Variants in KIRREL3 observed in about 807,000 individuals in gnomAD.
KIRREL3 encodes kirre like nephrin family adhesion molecule 3.
Under a neutral mutation model 89.7 loss-of-function variants are expected in KIRREL3, and 36 were observed. The observed-to-expected ratio is 0.40, with a 90% CI of 0.31 to 0.53. KIRREL3 has a LOEUF of 0.53. Ranked by LOEUF, KIRREL3 falls within the 20% of genes least tolerant of loss-of-function variation. The pLI, the probability that KIRREL3 is intolerant of heterozygous loss-of-function variation, is 0.49. For synonymous variants in KIRREL3, 445 were observed against 441.4 expected (o/e 1.01, Z -0.10); for missense variants, 864 against 1,056.6 (o/e 0.82, Z 2.53).
chr11:126,877,282 C>T lies in KIRREL3; in HGVS notation c.55+123173G>A, dbSNP rs1945328099. ...GCTGCATTACATCTGGAACTGGGCT[C>T]AGATAGCAAAAGAGCGTTCTATATA... On this transcript the variant is annotated intron_variant, in intron 1 of 16. Coordinates refer to ENST00000525144, the MANE Select transcript of KIRREL3 (RefSeq NM_032531.4). The surrounding 1 kb of genome is among the most constrained non-coding windows in gnomAD (Gnocchi z 4.9). 6.6e-6 allele frequency among the ~76,000 whole-genome samples: 1 copy of T among 152,186 alleles called. No homozygotes were observed. Among genetic ancestry groups the T allele is most frequent in the South Asian group, 2.1e-4 (1 of 4,834 alleles).
intron 1 of KIRREL3, among the ~76,000 whole-genome samples, chr11:126,785,208 GTTT>G (rs1007019210): frequency 2.6e-5 from 4 of 152,160 alleles, no homozygotes; most frequent in Non-Finnish European, 5.9e-5. Context: ...TCAGAGAGTT[GTTT>G]TTTGTCATTT....
chr11:126,465,819 C>T (rs981185769), intron 5 of KIRREL3, among the ~76,000 whole-genome samples: 12 of 152,152 alleles, frequency 7.9e-5, no homozygotes, highest in Admixed American at 3.3e-4. Flanking sequence ...CAGCTGGCAC[C>T]GCTTTACCAC....
chr11:126,561,578 G>C lies in KIRREL3; in HGVS notation c.133+1257C>G, dbSNP rs1366348473. Among the ~76,000 whole-genome samples the C allele has an allele frequency of 6.6e-6, 1 of 152,162 alleles. No individual in the cohort carries two copies. The highest frequency in any genetic ancestry group is 1.5e-5 in the Non-Finnish European group (1 of 68,034). On this transcript the variant is annotated intron_variant, in intron 2 of 16. Coordinates refer to ENST00000525144, the MANE Select transcript of KIRREL3 (RefSeq NM_032531.4). This position sits in a 1 kb window ranked among gnomAD's most constrained non-coding sequence, Gnocchi z 4.5. The stretch of plus-strand genomic sequence containing the variant: ...TGTTGGGGAGGGAAGGGGAGGCTGA[G>C]AAAGAGAAAAGTCAGTAAAGGCAAC...
intron 1 of KIRREL3, among the ~76,000 whole-genome samples, chr11:126,923,180 TC>T (rs1947462096): frequency 1.7e-4 from 5 of 29,594 alleles, no homozygotes; most frequent in South Asian, 1.5e-3. Context: ...CTTCTTCTCT[TC>T]TTCTTCTCTT....
rs1949227878 is a variant in KIRREL3 at position 126,748,496 on chromosome 11, C to A, written c.56-185584G>T. 6.6e-6 allele frequency among the ~76,000 whole-genome samples: 1 copy of A among 152,228 alleles called. No individual in the cohort carries two copies. The highest frequency in any genetic ancestry group is 2.1e-4 in the South Asian group (1 of 4,830). On this transcript the variant is annotated intron_variant, in intron 1 of 16. Coordinates refer to ENST00000525144, the MANE Select transcript of KIRREL3 (RefSeq NM_032531.4). The surrounding 1 kb of genome is among the most constrained non-coding windows in gnomAD (Gnocchi z 4.6). The stretch of plus-strand genomic sequence containing the variant: ...TCCCAGCAGGCGTTTCAGGCCATCT[C>A]TAAACAGGCTCTGTGGAGGCGAGGC...
At chr11:126,548,248 C>G (rs1287632864) in intron 2 of KIRREL3, among the ~76,000 whole-genome samples, 2 of 152,212 alleles carry the variant, frequency 1.3e-5, no homozygotes, top group Non-Finnish European at 2.9e-5. Flanking sequence ...CAGGCTGCTG[C>G]TGACTCTCTC....
chr11:126,469,986 C>T (rs950812887), intron 5 of KIRREL3, among the ~76,000 whole-genome samples: 6 of 152,236 alleles, frequency 3.9e-5, no homozygotes, highest in Non-Finnish European at 8.8e-5. Flanking sequence ...CCCAGGCCTG[C>T]GACTGCCTGG....
chr11:126,786,624 CT>C (rs1215039349), intron 1 of KIRREL3, among the ~76,000 whole-genome samples: 1 of 152,190 alleles, frequency 6.6e-6, no homozygotes, highest in African/African-American at 2.4e-5. Context: ...GTCTGGGAAA[CT>C]TTTTCTTATC....
chr11:126,437,584 ATG>A (rs989310578), intron 11 of KIRREL3, among the ~76,000 whole-genome samples: 3 of 83,700 alleles, frequency 3.6e-5, no homozygotes, highest in Non-Finnish European at 9.3e-5. Flanking sequence ...ATATGTGCAC[ATG>A]TCACAACATG....
rs1381473155 is a variant in KIRREL3, at chr11:126,978,347, G to C, written c.55+22108C>G. Among the ~76,000 whole-genome samples the C allele has an allele frequency of 6.6e-6, 1 of 152,006 alleles. No homozygotes were observed. Among genetic ancestry groups the C allele is most frequent in the Admixed American group, 6.6e-5 (1 of 15,258 alleles). On this transcript the variant is annotated intron_variant, in intron 1 of 16. Transcript: ENST00000525144. This position sits in a 1 kb window ranked among gnomAD's most constrained non-coding sequence, Gnocchi z 4.2. Reference sequence around the variant, plus strand: ...CTTCCCTTCAAACTTTAGCCAATTAGGTTTCCTCCATTCTTATGTGTGGAA... The same window carrying C: ...CTTCCCTTCAAACTTTAGCCAATTACGTTTCCTCCATTCTTATGTGTGGAA...
In KIRREL3 at chr11:126,814,567, A is replaced by G. The variant is rs1592165229; in HGVS notation, c.55+185888T>C. 6.6e-6 allele frequency among the ~76,000 whole-genome samples: 1 copy of G among 152,238 alleles called. No individual in the cohort carries two copies. The highest frequency in any genetic ancestry group is 2.4e-5 in the African/African-American group (1 of 41,454). On this transcript the variant is annotated intron_variant, in intron 1 of 16. Coordinates refer to ENST00000525144, the MANE Select transcript of KIRREL3 (RefSeq NM_032531.4). The surrounding 1 kb of genome is among the most constrained non-coding windows in gnomAD (Gnocchi z 4.4). ...GATAAAGAAAATGTGATACATATACACCATGGAATACTATGCAGCCATAAA... is the reference window on the plus strand; with the variant it reads ...GATAAAGAAAATGTGATACATATACGCCATGGAATACTATGCAGCCATAAA...
chr11:126,668,631 T>G lies in KIRREL3; in HGVS notation c.56-105719A>C, dbSNP rs902017048. 2.6e-5 allele frequency among the ~76,000 whole-genome samples: 4 copies of G among 152,194 alleles called. No homozygotes were observed. The highest frequency in any genetic ancestry group is 9.7e-5 in the African/African-American group (4 of 41,440). ...TGACAGAGAGGCCCCCCTTCTCGGT[T>G]TTCTCAGATAGCATGCCATTTGCTG... is the stretch of plus-strand genomic sequence containing the variant. On this transcript the variant is annotated intron_variant, in intron 1 of 16. Coordinates refer to ENST00000525144, the MANE Select transcript of KIRREL3 (RefSeq NM_032531.4). This position sits in a 1 kb window ranked among gnomAD's most constrained non-coding sequence, Gnocchi z 4.4.
At chr11:126,573,080 G>C (rs1941056749) in intron 1 of KIRREL3, among the ~76,000 whole-genome samples, 1 of 152,148 alleles carries the variant, frequency 6.6e-6, no homozygotes, top group South Asian at 2.1e-4. Flanking sequence ...TGTGGGCTAA[G>C]GTCCAGTGGG....
rs1208535808 is a variant in KIRREL3 at position 126,812,616 on chromosome 11, G to A, written c.55+187839C>T. Among the ~76,000 whole-genome samples, 1 of 152,176 alleles carries A rather than the reference G, an allele frequency of 6.6e-6. No homozygotes were observed. Among genetic ancestry groups the A allele is most frequent in the East Asian group, 1.9e-4 (1 of 5,190 alleles). ...AGATTGCAAGCTGTAGATTTCAGAT[G>A]CAAGGCAATGGTTAGTAACTAGATT... On this transcript the variant is annotated intron_variant, in intron 1 of 16. Coordinates refer to ENST00000525144, the MANE Select transcript of KIRREL3 (RefSeq NM_032531.4). The surrounding 1 kb of genome is among the most constrained non-coding windows in gnomAD (Gnocchi z 5.2).
In KIRREL3 at chr11:126,535,429, A is replaced by T. The variant is rs1388021255; in HGVS notation, c.134-8742T>A. Among the ~76,000 whole-genome samples, 2 of 152,078 alleles carry T rather than the reference A, an allele frequency of 1.3e-5. No individual in the cohort carries two copies. Among genetic ancestry groups the T allele is most frequent in the Non-Finnish European group, 2.9e-5 (2 of 68,014 alleles). ...CCCCATGTTTCTCTATGACTTGCAC[A>T]CCTGTGGCCCCATTCTGAGGTTGCC... On this transcript the variant is annotated intron_variant, in intron 2 of 16. Coordinates refer to ENST00000525144, the MANE Select transcript of KIRREL3 (RefSeq NM_032531.4). This position sits in a 1 kb window ranked among gnomAD's most constrained non-coding sequence, Gnocchi z 4.5.
chr11:126,728,880 C>T (rs915044051), intron 1 of KIRREL3, among the ~76,000 whole-genome samples: 16 of 152,316 alleles, frequency 1.1e-4, no homozygotes, highest in Admixed American at 2.0e-4. Flanking sequence ...ACCCCACAGA[C>T]GCTGCCCCAT....
At position 126,629,486 on chromosome 11, in the gene KIRREL3, G is replaced by A. The variant is rs185894805; in HGVS notation, c.56-66574C>T. Among the ~76,000 whole-genome samples the A allele has an allele frequency of 4.6e-5, 7 of 152,250 alleles. No homozygotes were observed. The East Asian group carries it at 5.8e-4, about 13-fold the overall frequency. On this transcript the variant is annotated intron_variant, in intron 1 of 16. Transcript: ENST00000525144. ...TCCAAATGGCTAAATGGAGTGTGGCGGCAGAGCAGCTGTGAGGGACTTTGC... is the reference window on the plus strand; with the variant it reads ...TCCAAATGGCTAAATGGAGTGTGGCAGCAGAGCAGCTGTGAGGGACTTTGC...
chr11:126,779,852 T>C (rs1361299778), intron 1 of KIRREL3, among the ~76,000 whole-genome samples: 1 of 152,090 alleles, frequency 6.6e-6, no homozygotes, highest in East Asian at 1.9e-4. Flanking sequence ...ATAATACTTC[T>C]GTCTTAGGAT....
At chr11:126,951,513 T>C (rs1948773408) in intron 1 of KIRREL3, among the ~76,000 whole-genome samples, 1 of 152,160 alleles carries the variant, frequency 6.6e-6, no homozygotes, top group African/African-American at 2.4e-5. Context: ...GGGTATCTGC[T>C]GCTGGAGATG....
Sources: gnomAD v4.1 joint callset for allele counts (sites outside exome capture counted in the v4.1 genomes callset) on GRCh38, gnomAD v4.1.1 for gene constraint, Gnocchi (gnomAD v3.1) non-coding constraint, MANE v1.5 for transcripts, NCBI Gene and HGNC (gene_info 2026-07-23, HGNC 2026-07-21) for gene names.